The following UBE2E2 variants were observed in gnomAD, a reference collection of about 807,000 sequenced individuals.
UBE2E2 encodes ubiquitin-conjugating enzyme E2 E2.
UBE2E2 carries 6 observed loss-of-function variants against 24.7 expected under a neutral mutation model. The observed-to-expected ratio is 0.24, with a 90% CI of 0.13 to 0.48. UBE2E2 has a LOEUF of 0.48. Ranked by LOEUF, UBE2E2 falls within the 20% of genes least tolerant of loss-of-function variation. The pLI, the probability that UBE2E2 is intolerant of heterozygous loss-of-function variation, is 0.99. For synonymous variants in UBE2E2, 104 were observed against 83.6 expected (o/e 1.24, Z -1.33); for missense variants, 169 against 245.0 (o/e 0.69, Z 2.07).
chr3:23,219,615 T>C (rs141248800), intron 3 of UBE2E2, among the ~76,000 whole-genome samples: 519 of 152,320 alleles, frequency 3.4e-3, no homozygotes, highest in South Asian at 0.024. Context: ...TAAAGTTATC[T>C]GCCTAATAGA....
At chr3:23,412,534 G>A (rs1395574971) in intron 3 of UBE2E2, among the ~76,000 whole-genome samples, 1 of 152,106 alleles carries the variant, frequency 6.6e-6, no homozygotes, top group East Asian at 1.9e-4. Context: ...CTGGTTAGTA[G>A]AACAGTAAAT....
At chr3:23,358,576 AAAC>A (rs1696030278) in intron 3 of UBE2E2, among the ~76,000 whole-genome samples, 1 of 152,376 alleles carries the variant, frequency 6.6e-6, no homozygotes, top group South Asian at 2.1e-4. Context: ...GGATTGAAAA[AAAC>A]AATCTGAGAA....
chr3:23,241,934 C>G lies in UBE2E2; in HGVS notation c.227+24622C>G, dbSNP rs192651136. On this transcript the variant is annotated intron_variant, in intron 3 of 5. Transcript: ENST00000396703. ...TTTGTTTCTTGTCTTAATATAGAGACAAGGTCTTACTTTCACCCAGGCTGG... is the reference window on the plus strand; with the variant it reads ...TTTGTTTCTTGTCTTAATATAGAGAGAAGGTCTTACTTTCACCCAGGCTGG... 5.9e-5 allele frequency among the ~76,000 whole-genome samples: 9 copies of G among 152,260 alleles called. No homozygotes were observed. The East Asian group carries it at 1.7e-3, about 29-fold the overall frequency.
At chr3:23,310,274 A>G (rs982818420) in intron 3 of UBE2E2, among the ~76,000 whole-genome samples, 2 of 150,766 alleles carry the variant, frequency 1.3e-5, no homozygotes, top group African/African-American at 4.9e-5. Flanking sequence ...AAAGTGATAT[A>G]AAAGCATTAT....
At chr3:23,467,979 TG>T (rs1698959222) in intron 3 of UBE2E2, among the ~76,000 whole-genome samples, 1 of 152,152 alleles carries the variant, frequency 6.6e-6, no homozygotes, top group Non-Finnish European at 1.5e-5. Flanking sequence ...GGGGGAAGTC[TG>T]CCCCCATGAT....
intron 3 of UBE2E2, among the ~76,000 whole-genome samples, chr3:23,267,455 A>G (rs567190181): frequency 6.6e-6 from 1 of 152,360 alleles, no homozygotes; most frequent in South Asian, 2.1e-4. Flanking sequence ...AAAAATCTAG[A>G]AGAAATGGAT....
chr3:23,528,065 C>G (rs997570819), intron 4 of UBE2E2, among the ~76,000 whole-genome samples: 5 of 152,134 alleles, frequency 3.3e-5, no homozygotes, highest in African/African-American at 1.2e-4. Flanking sequence ...GGACTGAGAC[C>G]TAAACCTGTA....
At chr3:23,506,433 A>G (rs528282812) in intron 4 of UBE2E2, among the ~76,000 whole-genome samples, 62 of 152,304 alleles carry the variant, frequency 4.1e-4, no homozygotes, top group African/African-American at 1.5e-3. Context: ...TAAAAACCTT[A>G]CATTCATTCT....
rs559739329 is a variant in UBE2E2 at position 23,339,785 on chromosome 3, T to C, written c.227+122473T>C. 7.9e-5 allele frequency among the ~76,000 whole-genome samples: 12 copies of C among 152,270 alleles called. No homozygotes were observed. In the East Asian group the frequency reaches 2.1e-3, roughly 27 times the overall value. On this transcript the variant is annotated intron_variant, in intron 3 of 5. Transcript: ENST00000396703. ...GTATTTTTATTGTGTTAGCAAGATG[T>C]GTCTTTAAAATATTTTCTTGAAATA... is the stretch of plus-strand genomic sequence containing the variant.
intron 3 of UBE2E2, among the ~76,000 whole-genome samples, chr3:23,356,970 A>T (rs565734817): frequency 3.3e-5 from 5 of 152,310 alleles, no homozygotes; most frequent in African/African-American, 1.2e-4. Context: ...GGGGTGACTG[A>T]CTTCGTCTTG....
At chr3:23,392,369 T>G (rs1465446494) in intron 3 of UBE2E2, among the ~76,000 whole-genome samples, 4 of 152,198 alleles carry the variant, frequency 2.6e-5, no homozygotes, top group African/African-American at 9.7e-5. Context: ...AGTTTTCTAC[T>G]ATTCAAGAGA....
At chr3:23,391,802 A>AT (rs1696941587) in intron 3 of UBE2E2, among the ~76,000 whole-genome samples, 1 of 152,056 alleles carries the variant, frequency 6.6e-6, no homozygotes, top group Non-Finnish European at 1.5e-5. Context: ...AGTTAGGGAG[A>AT]GTTTGGATTG....
chr3:23,581,469 G>A lies in UBE2E2; in HGVS notation c.509-8265G>A, dbSNP rs1195876945. On this transcript the variant is annotated intron_variant, in intron 5 of 5. Transcript: ENST00000396703. ...AATCAGGTATATATTCTTAAAAGATGCACACAAATACATATTTGTTTTCAA... is the reference window on the plus strand; with the variant it reads ...AATCAGGTATATATTCTTAAAAGATACACACAAATACATATTTGTTTTCAA... 2.6e-5 allele frequency among the ~76,000 whole-genome samples: 4 copies of A among 152,126 alleles called. No individual in the cohort carries two copies. The South Asian group carries it at 8.3e-4, about 32-fold the overall frequency.
intron 3 of UBE2E2, among the ~76,000 whole-genome samples, chr3:23,386,823 G>T (rs1211784967): frequency 8.5e-5 from 13 of 152,140 alleles, no homozygotes; most frequent in Non-Finnish European, 1.3e-4. Context: ...AATACATATG[G>T]CTTATATTTT....
chr3:23,580,503 A>G (rs911029079), intron 5 of UBE2E2, among the ~76,000 whole-genome samples: 1 of 152,258 alleles, frequency 6.6e-6, no homozygotes, highest in African/African-American at 2.4e-5. Flanking sequence ...GCTATTGCAC[A>G]CGTAATAGAC....
intron 3 of UBE2E2, among the ~76,000 whole-genome samples, chr3:23,271,628 C>A (rs1338019278): frequency 6.6e-6 from 1 of 152,074 alleles, no homozygotes; most frequent in Non-Finnish European, 1.5e-5. Flanking sequence ...GTTTACAATC[C>A]CTGAGCTAGA....
At chr3:23,337,939 G>A (rs1695255932) in intron 3 of UBE2E2, among the ~76,000 whole-genome samples, 1 of 152,182 alleles carries the variant, frequency 6.6e-6, no homozygotes, top group Non-Finnish European at 1.5e-5. Flanking sequence ...AAAATTGGAT[G>A]TGGGGAGATG....
At chr3:23,360,662 G>T (rs551400923) in intron 3 of UBE2E2, among the ~76,000 whole-genome samples, 1 of 152,032 alleles carries the variant, frequency 6.6e-6, no homozygotes, top group East Asian at 1.9e-4. Context: ...AATAAATGAG[G>T]TACAGCTATA....
At chr3:23,575,644 A>G (rs1696330866) in intron 5 of UBE2E2, among the ~76,000 whole-genome samples, 1 of 152,188 alleles carries the variant, frequency 6.6e-6, no homozygotes, top group South Asian at 2.1e-4. Flanking sequence ...AAAGCTGATA[A>G]TGAGTTGGTG....
Sources: allele counts gnomAD v4.1 joint callset (sites outside exome capture counted in the v4.1 genomes callset), GRCh38; gene constraint gnomAD v4.1.1; transcripts MANE v1.5; gene names NCBI Gene and HGNC (gene_info 2026-07-23, HGNC 2026-07-21).